LRP12: variants seen among roughly 807,000 people sequenced by gnomAD.
LRP12 encodes low-density lipoprotein receptor-related protein 12.
LRP12 carries 14 observed loss-of-function variants against 66.0 expected under a neutral mutation model. The observed-to-expected ratio is 0.21, with a 90% CI of 0.14 to 0.33. The LOEUF (loss-of-function observed/expected upper bound fraction) is 0.33. Among genes scored for constraint, LRP12 ranks in the 10% least tolerant of loss-of-function variants. The pLI, the probability that LRP12 is intolerant of heterozygous loss-of-function variation, is 1.00. For missense variants in LRP12, 889 were observed against 1,053.4 expected, an observed-to-expected ratio of 0.84 and a Z score of 2.16; for synonymous variants, 357 against 359.1, an observed-to-expected ratio of 0.99 and a Z score of 0.07.
In LRP12 at chr8:104,497,152, C is replaced by T. The variant is rs1361528725; in HGVS notation, c.1400G>A (p.Ser467Asn). ...HCKNNRCVFE[S>N]WVCDSQDDCG... is the part of the protein sequence containing the mutation. ...GTCATCTTGAGAATCACACACCCAA[C>T]TTTCAAACACACAACGATTGTTTTT... Residue 467 changes from serine to asparagine, a missense_variant, in exon 5 of 7, where the codon AGT becomes AAT. Physicochemically the swap from Ser to Asn is conservative, Grantham distance 46. This residue lies in a region of LRP12 where 800 missense variants were observed against 964.5 expected (regional missense o/e 0.83). Transcript: ENST00000276654. The surrounding 1 kb of genome is among the most constrained non-coding windows in gnomAD (Gnocchi z 4.3). 3 of 1,610,836 alleles carry T rather than the reference C, an allele frequency of 1.9e-6. No homozygotes were observed. The highest frequency in any genetic ancestry group is 2.7e-5 in the African/African-American group (2 of 74,898).
chr8:104,512,150 C>T (rs948125257), intron 2 of LRP12, among the ~76,000 whole-genome samples: 1 of 152,170 alleles, frequency 6.6e-6, no homozygotes, highest in African/African-American at 2.4e-5. Flanking sequence ...AACCCCATCT[C>T]TACTAAAAGT....
chr8:104,577,831 A>G (rs1275151536), intron 1 of LRP12, among the ~76,000 whole-genome samples: 1 of 151,648 alleles, frequency 6.6e-6, no homozygotes, highest in Non-Finnish European at 1.5e-5. Flanking sequence ...AAAAAAAGAA[A>G]AAGAAAGTTC....
intron 2 of LRP12, among the ~76,000 whole-genome samples, chr8:104,514,691 A>G (rs1177901232): frequency 1.3e-5 from 2 of 152,148 alleles, no homozygotes; most frequent in African/African-American, 4.8e-5. Flanking sequence ...AAATGACAGA[A>G]AAAACAACAA....
chr8:104,587,361 G>T (rs1812349919), intron 1 of LRP12, among the ~76,000 whole-genome samples: 1 of 152,128 alleles, frequency 6.6e-6, no homozygotes, highest in Admixed American at 6.6e-5. Flanking sequence ...CTCTGGTGTA[G>T]ACCCAAACCC....
Position 104,581,471 on chromosome 8 carries a change from C to G in LRP12, c.79+7348G>C, listed in dbSNP as rs139324282. Among the ~76,000 whole-genome samples, 104 of 151,950 alleles carry G rather than the reference C, an allele frequency of 6.8e-4. 4 individuals carry two copies. In the East Asian group the frequency reaches 0.016, roughly 23 times the overall value. On this transcript the variant is annotated intron_variant, in intron 1 of 6. Coordinates refer to ENST00000276654, the MANE Select transcript of LRP12 (RefSeq NM_013437.5). ...CCATGTAATAATTGTGTACAACAAA[C>G]CCCCATGACACAAGTTTACTTATAT...
chr8:104,539,189 C>G (rs1427328602), intron 1 of LRP12, among the ~76,000 whole-genome samples: 1 of 152,040 alleles, frequency 6.6e-6, no homozygotes, highest in Non-Finnish European at 1.5e-5. Flanking sequence ...AAACACAAAC[C>G]AGTTTGGTTT....
rs1473856625 is a variant in LRP12 at position 104,589,197 on chromosome 8, G to A, written c.-300C>T. On this transcript the variant is annotated 5_prime_UTR_variant, in exon 1 of 7. Transcript: ENST00000276654. ...GCGCGCCAGCGCGAGACGAGAGGGTGGCGGACGCCGGACTCCGGCCTCGCG... is the reference window on the plus strand; with the variant it reads ...GCGCGCCAGCGCGAGACGAGAGGGTAGCGGACGCCGGACTCCGGCCTCGCG... Among the ~76,000 whole-genome samples, 1 of 151,674 alleles carries A rather than the reference G, an allele frequency of 6.6e-6. No individual in the cohort carries two copies. The highest frequency in any genetic ancestry group is 2.0e-4 in the East Asian group (1 of 5,058).
intron 2 of LRP12, among the ~76,000 whole-genome samples, chr8:104,512,907 T>C (rs1323522166): frequency 1.3e-5 from 2 of 152,202 alleles, no homozygotes; most frequent in Non-Finnish European, 2.9e-5. Context: ...ATAACATTAT[T>C]TTAAAATATT....
intron 1 of LRP12, among the ~76,000 whole-genome samples, chr8:104,548,281 AATATATCATATATTTAT>A (rs1811647728): frequency 1.1e-5 from 1 of 87,802 alleles, no homozygotes; most frequent in Non-Finnish European, 1.9e-5. Context: ...ATATTATATT[AATATATCATATATTTAT>A]ATAATATATA....
chr8:104,566,547 A>C (rs1812007284), intron 1 of LRP12: 1 of 153,152 alleles, frequency 6.5e-6, no homozygotes, highest in Admixed American at 6.5e-5. Context: ...CAAAATATTT[A>C]GGAGACTTTT....
At position 104,516,840 on chromosome 8, in the gene LRP12, A is replaced by T. The variant is rs920841500; in HGVS notation, c.137-7766T>A. Among the ~76,000 whole-genome samples, 13 of 152,240 alleles carry T rather than the reference A, an allele frequency of 8.5e-5. No individual in the cohort carries two copies. In the East Asian group the frequency reaches 2.3e-3, roughly 27 times the overall value. On this transcript the variant is annotated intron_variant, in intron 2 of 6. Transcript: ENST00000276654. ...TCAAAACACCTAAAAAATTACAGAAAAAGTACATATTTACAATTAGAGCTG... is the reference window on the plus strand; with the variant it reads ...TCAAAACACCTAAAAAATTACAGAATAAGTACATATTTACAATTAGAGCTG...
rs763679030 is a variant in LRP12 at position 104,498,079 on chromosome 8, G to A, written c.476-3C>T. 10 of 1,575,388 alleles carry A rather than the reference G, an allele frequency of 6.3e-6. 1 individual carries two copies. Among genetic ancestry groups the A allele is most frequent in the Non-Finnish European group, 7.7e-6 (9 of 1,161,640 alleles). On this transcript the variant is annotated splice_polypyrimidine_tract_variant and splice_region_variant and intron_variant, in intron 4 of 6. Coordinates refer to ENST00000276654, the MANE Select transcript of LRP12 (RefSeq NM_013437.5). ...ACAATTTGGTTCCTCAGATTTCCCT[G>A]TGAAGATGTGAGTAGAAATAGATGG...
chr8:104,559,559 AAAC>A (rs1333637691), intron 1 of LRP12, among the ~76,000 whole-genome samples: 1 of 152,102 alleles, frequency 6.6e-6, no homozygotes, highest in African/African-American at 2.4e-5. Context: ...AATCACCACT[AAAC>A]AACTTATTCA....
chr8:104,511,595 T>C (rs988459344), intron 2 of LRP12, among the ~76,000 whole-genome samples: 2 of 152,200 alleles, frequency 1.3e-5, no homozygotes, highest in African/African-American at 2.4e-5. Flanking sequence ...CTAGGAAGTA[T>C]ATTATGTAAT....
Position 104,497,930 on chromosome 8 carries a change from T to C in LRP12, c.622A>G (p.Thr208Ala), listed in dbSNP as rs774822844. 4.0e-5 allele frequency: 64 copies of C among 1,614,002 alleles called. No homozygotes were observed. Among genetic ancestry groups the C allele is most frequent in the Non-Finnish European group, 4.7e-5 (56 of 1,180,032 alleles). The change falls in exon 5 of 7, where the codon ACT becomes GCT. Residue 208 changes from threonine to alanine, a missense_variant. By Grantham distance (58) the Thr-to-Ala change is moderately conservative. Around this residue, in one of 3 missense-constraint regions of LRP12, gnomAD observed 800 missense variants for 964.5 expected, o/e 0.83. Transcript: ENST00000276654. The surrounding 1 kb of genome is among the most constrained non-coding windows in gnomAD (Gnocchi z 4.3). The part of the protein sequence containing the change: ...EICAKEANPP[T>A]AAAFQPCAYN... ...GCACAGGGTTGAAAAGCAGCAGCAG[T>C]TGGAGGATTTGCTTCTTTGGCACAG...
intron 1 of LRP12, among the ~76,000 whole-genome samples, chr8:104,549,786 C>G (rs1811700133): frequency 6.6e-6 from 1 of 152,168 alleles, no homozygotes; most frequent in South Asian, 2.1e-4. Context: ...CATCTGGATA[C>G]TCAATGCTAT....
chr8:104,588,875 T>C lies in LRP12; in HGVS notation c.23A>G (p.Lys8Arg), dbSNP rs1319130292. 2 of 1,611,168 alleles carry C rather than the reference T, an allele frequency of 1.2e-6. No homozygotes were observed. The highest frequency in any genetic ancestry group is 1.7e-6 in the Non-Finnish European group (2 of 1,178,908). The change falls in exon 1 of 7, where the codon AAA becomes AGA. Residue 8 changes from lysine to arginine, a missense_variant. By Grantham distance (26) the Lys-to-Arg change is conservative (BLOSUM62 2). Around this residue, in one of 3 missense-constraint regions of LRP12, gnomAD observed 88 missense variants for 72.5 expected, o/e 1.21. Transcript: ENST00000276654. MACRWST[K>R]ESPRWRSALL... ...CGCAGACCTCCACCGCGGAGACTCT[T>C]TTGTGCTCCAGCGACAGGCCATAAC...
At chr8:104,552,444 CAG>C (rs983182856) in intron 1 of LRP12, among the ~76,000 whole-genome samples, 2 of 150,664 alleles carry the variant, frequency 1.3e-5, no homozygotes, top group African/African-American at 4.9e-5. Context: ...CCGAGGCGGG[CAG>C]ATCATCTGAG....
At chr8:104,510,279 A>T (rs1810972065) in intron 2 of LRP12, among the ~76,000 whole-genome samples, 2 of 152,344 alleles carry the variant, frequency 1.3e-5, no homozygotes, top group South Asian at 4.1e-4. Context: ...ATCACTGCAA[A>T]GCAGTTCTTC....
Sources: allele counts gnomAD v4.1 joint callset (sites outside exome capture counted in the v4.1 genomes callset), GRCh38; gene constraint gnomAD v4.1.1; regional missense constraint gnomAD v4.1.1; non-coding constraint Gnocchi (gnomAD v3.1); transcripts MANE v1.5; gene names NCBI Gene and HGNC (gene_info 2026-07-23, HGNC 2026-07-21).